RAD51B: variants seen among roughly 807,000 people sequenced by gnomAD.
RAD51B encodes the protein DNA repair protein RAD51 homolog 2.
Under a neutral mutation model 42.2 loss-of-function variants are expected in RAD51B, and 38 were observed. The ratio of observed to expected loss-of-function variants is 0.90; its 90% confidence interval spans 0.70 to 1.18. The LOEUF (loss-of-function observed/expected upper bound fraction) is 1.18, where lower values mean the gene tolerates loss of function less well. RAD51B is among the 50% of genes most tolerant of loss of function. The pLI is 0.00. For missense variants in RAD51B, 373 were observed against 400.7 expected (o/e 0.93, Z 0.59); for synonymous variants, 154 against 145.2 (o/e 1.06, Z -0.43).
At chr14:68,266,947 AC>A (rs1215196174) in intron 7 of RAD51B, among the ~76,000 whole-genome samples, 11 of 152,394 alleles carry the variant, frequency 7.2e-5, no homozygotes, top group Non-Finnish European at 7.3e-5. Context: ...TCTATACATT[AC>A]GCAAAAAGTT....
intron 7 of RAD51B, among the ~76,000 whole-genome samples, chr14:68,091,520 A>G (rs2077098947): frequency 6.6e-6 from 1 of 152,144 alleles, no homozygotes; most frequent in Non-Finnish European, 1.5e-5. Context: ...GTGTCTGTTC[A>G]TATCCTTCAC....
At chr14:68,279,448 A>T (rs1373828519) in intron 7 of RAD51B, among the ~76,000 whole-genome samples, 1 of 152,184 alleles carries the variant, frequency 6.6e-6, no homozygotes, top group African/African-American at 2.4e-5. Context: ...CAAAGGGATC[A>T]TGGTATACCT....
At chr14:68,020,511 A>G (rs2075846760) in intron 7 of RAD51B, among the ~76,000 whole-genome samples, 1 of 152,224 alleles carries the variant, frequency 6.6e-6, no homozygotes, top group Non-Finnish European at 1.5e-5. Flanking sequence ...AGAAAAAATT[A>G]GGAAATATAG....
chr14:68,188,601 A>G (rs988734657), intron 7 of RAD51B, among the ~76,000 whole-genome samples: 1 of 152,184 alleles, frequency 6.6e-6, no homozygotes, highest in Non-Finnish European at 1.5e-5. Flanking sequence ...TACTTCATCA[A>G]AGCAATTTTT....
At chr14:67,906,303 T>C (rs2043779774) in intron 7 of RAD51B, among the ~76,000 whole-genome samples, 1 of 152,158 alleles carries the variant, frequency 6.6e-6, no homozygotes. Context: ...GCTTGTATTT[T>C]GTTGAGGATT....
exon 11 of RAD51B, chr14:68,594,526 G>C (rs1890905506): frequency 7.4e-7 from 1 of 1,356,818 alleles, no homozygotes; most frequent in Non-Finnish European, 9.8e-7. Flanking sequence ...ACTGAACTGG[G>C]CTCCAGAAAT....
chr14:68,011,550 A>C (rs1161791617), intron 7 of RAD51B, among the ~76,000 whole-genome samples: 1 of 152,102 alleles, frequency 6.6e-6, no homozygotes, highest in Non-Finnish European at 1.5e-5. Context: ...TGATCACAGA[A>C]GTGTTCACTG....
intron 8 of RAD51B, among the ~76,000 whole-genome samples, chr14:68,380,669 A>G (rs940738937): frequency 6.6e-6 from 1 of 152,190 alleles, no homozygotes; most frequent in Admixed American, 6.5e-5. Flanking sequence ...CTGTGCCATA[A>G]CTCACTCAGA....
At chr14:68,250,305 T>G (rs749137342) in intron 7 of RAD51B, among the ~76,000 whole-genome samples, 17 of 152,270 alleles carry the variant, frequency 1.1e-4, no homozygotes, top group Admixed American at 1.1e-3. Flanking sequence ...CAAATGTGCC[T>G]GCATTTTTAT....
At chr14:68,469,735 A>G (rs1428455556) in intron 10 of RAD51B, among the ~76,000 whole-genome samples, 1 of 152,248 alleles carries the variant, frequency 6.6e-6, no homozygotes, top group African/African-American at 2.4e-5. Context: ...TTAGAAGTAT[A>G]GTAAGTAGCA....
rs1036196658 is a variant in RAD51B at position 68,562,277 on chromosome 14, C to A, written c.1037-32208C>A. 5.1e-6 allele frequency: 5 copies of A among 985,274 alleles called. No individual in the cohort carries two copies. In the African/African-American group the frequency reaches 8.7e-5, roughly 17 times the overall value. The allele number at this position is 985,274 out of a possible 1,614,324, so 61.0% of individuals were successfully genotyped here. ...ACAGGTGGGGGCCAGATCTTTGCAA[C>A]GGAAAATGCCACTTTTGAACGCCAA... is the stretch of plus-strand genomic sequence containing the variant. On this transcript the variant is annotated intron_variant, in intron 10 of 10. Transcript: ENST00000487270.
exon 11 of RAD51B, chr14:68,611,034 C>T (rs1208126465): frequency 2.8e-6 from 2 of 703,072 alleles, no homozygotes; most frequent in Non-Finnish European, 5.2e-6. Context: ...GAGTCAGCCC[C>T]AGGTCAGAAT....
intron 8 of RAD51B, among the ~76,000 whole-genome samples, chr14:68,336,442 G>A (rs13379204): frequency 0.018 from 2,759 of 152,158 alleles, 80 homozygotes; most frequent in African/African-American, 0.059. Context: ...ATCCCTATTG[G>A]TATACATGGG....
intron 8 of RAD51B, among the ~76,000 whole-genome samples, chr14:68,305,846 G>C (rs865848125): frequency 1.3e-5 from 2 of 152,206 alleles, no homozygotes; most frequent in African/African-American, 4.8e-5. Flanking sequence ...TGCCAGGCTG[G>C]CCATCATAGC....
intron 8 of RAD51B, among the ~76,000 whole-genome samples, chr14:68,397,673 C>CGTGT (rs368101566): frequency 6.6e-6 from 1 of 151,720 alleles, no homozygotes; most frequent in Admixed American, 6.6e-5. Context: ...GGACACCCCT[C>CGTGT]GTGTGTGTGT....
At chr14:68,035,022 T>C (rs2076099801) in intron 7 of RAD51B, among the ~76,000 whole-genome samples, 1 of 152,204 alleles carries the variant, frequency 6.6e-6, no homozygotes, top group Admixed American at 6.5e-5. Context: ...GGAAGGATCT[T>C]CCTGGTTACA....
At chr14:67,959,377 GCTGGGACTACAGGCGC>G (rs1261196824) in intron 7 of RAD51B, among the ~76,000 whole-genome samples, 1 of 152,042 alleles carries the variant, frequency 6.6e-6, no homozygotes, top group Non-Finnish European at 1.5e-5. Flanking sequence ...CTCCTGAGTA[GCTGGGACTACAGGCGC>G]CCGCCACCAC....
At chr14:68,600,041 T>C (rs762130725), downstream of RAD51B, among the ~76,000 whole-genome samples, 5 of 152,220 alleles carry the variant, frequency 3.3e-5, no homozygotes, top group Non-Finnish European at 7.3e-5. Flanking sequence ...AGTGTGATTG[T>C]GGTCATCTAT....
chr14:68,132,830 C>T (rs1044642913), intron 7 of RAD51B, among the ~76,000 whole-genome samples: 5 of 152,204 alleles, frequency 3.3e-5, no homozygotes, highest in African/African-American at 1.2e-4. Flanking sequence ...CATCTCCCAA[C>T]AATCAAGAGA....
Sources: allele counts gnomAD v4.1 joint callset (sites outside exome capture counted in the v4.1 genomes callset), GRCh38; gene constraint gnomAD v4.1.1; transcripts MANE v1.5; gene names NCBI Gene and HGNC (gene_info 2026-07-23, HGNC 2026-07-21).